The following SDK1 variants were observed in gnomAD, a reference collection of about 807,000 sequenced individuals.
The protein encoded by SDK1 is protein sidekick-1.
Under a neutral mutation model 245.5 loss-of-function variants are expected in SDK1, and 157 were observed. The ratio of observed to expected loss-of-function variants is 0.64; its 90% CI spans 0.56 to 0.73. SDK1 has a LOEUF of 0.73. Among genes scored for constraint, SDK1 ranks in the 30% least tolerant of loss-of-function variants. The pLI is 0.00. For missense variants in SDK1, 3,583 were observed against 3,002.3 expected (o/e 1.19, Z -4.52); for synonymous variants, 1,647 against 1,278.5 (o/e 1.29, Z -6.15).
intron 13 of SDK1, among the ~76,000 whole-genome samples, chr7:3,985,451 C>T (rs1372230740): frequency 6.6e-6 from 1 of 152,118 alleles, no homozygotes; most frequent in Non-Finnish European, 1.5e-5. Flanking sequence ...ACTGGCATTT[C>T]CGCCTCTAAT....
intron 35 of SDK1, among the ~76,000 whole-genome samples, chr7:4,181,251 C>T (rs1000348433): frequency 5.9e-5 from 9 of 152,212 alleles, no homozygotes; most frequent in South Asian, 4.1e-4. Context: ...GAGGTTCAAC[C>T]GGGTTGTAGC....
chr7:3,462,635 G>T (rs1780868776), intron 1 of SDK1, among the ~76,000 whole-genome samples: 2 of 152,076 alleles, frequency 1.3e-5, no homozygotes, highest in African/African-American at 4.8e-5. Context: ...ACCTAGTCCA[G>T]CTGTACCATA....
chr7:3,497,848 C>G (rs761116114), intron 1 of SDK1, among the ~76,000 whole-genome samples: 3 of 152,178 alleles, frequency 2.0e-5, no homozygotes, highest in Non-Finnish European at 4.4e-5. Context: ...CCCATCTAAT[C>G]CCCTCACTGC....
chr7:3,406,968 A>T (rs1331367166), intron 1 of SDK1, among the ~76,000 whole-genome samples: 1 of 131,018 alleles, frequency 7.6e-6, no homozygotes, highest in Non-Finnish European at 1.5e-5. Flanking sequence ...TGTAGACAAG[A>T]TTGAATAAAC....
At chr7:3,509,113 C>T (rs1022508960) in intron 1 of SDK1, among the ~76,000 whole-genome samples, 3 of 151,306 alleles carry the variant, frequency 2.0e-5, no homozygotes, top group Non-Finnish European at 2.9e-5. Context: ...TATGTACATG[C>T]GTGTGATACT....
intron 43 of SDK1, among the ~76,000 whole-genome samples, chr7:4,242,602 C>T (rs1379163586): frequency 3.3e-5 from 5 of 152,140 alleles, no homozygotes; most frequent in Admixed American, 6.5e-5. Flanking sequence ...AAAACCCAAA[C>T]ACCTGAGGAC....
intron 19 of SDK1, 51 bp from the exon 20 acceptor site, chr7:4,067,787 A>C (rs1779996981): frequency 7.0e-7 from 1 of 1,431,588 alleles, no homozygotes; most frequent in African/African-American, 1.4e-5. Flanking sequence ...ATCTGATCAA[A>C]AGAAAATTTG....
At chr7:3,559,581 C>G (rs1054999813) in intron 1 of SDK1, among the ~76,000 whole-genome samples, 5 of 152,106 alleles carry the variant, frequency 3.3e-5, no homozygotes, top group African/African-American at 1.2e-4. Flanking sequence ...TTTTCTGATT[C>G]ACCACCAGTG....
chr7:4,068,550 G>T (rs570613257), intron 20 of SDK1, among the ~76,000 whole-genome samples: 13 of 151,944 alleles, frequency 8.6e-5, no homozygotes, highest in East Asian at 5.8e-4. Context: ...CTGCCCTCCA[G>T]TGAGAGCCCT....
intron 6 of SDK1, 57 bp downstream of exon 6, chr7:3,951,091 C>A: frequency 7.9e-7 from 1 of 1,271,896 alleles, no homozygotes; most frequent in Non-Finnish European, 1.1e-6. Context: ...CTGTGACGAG[C>A]CGACGATAGA....
intron 22 of SDK1, among the ~76,000 whole-genome samples, chr7:4,098,601 C>T (rs775222543): frequency 2.6e-5 from 4 of 152,102 alleles, no homozygotes; most frequent in Non-Finnish European, 5.9e-5. Context: ...TAGTTTCTCC[C>T]TCCGAGAATT....
chr7:4,026,292 G>T lies in SDK1; in HGVS notation c.2602+8940G>T, dbSNP rs758860530. On this transcript the variant is annotated intron_variant, in intron 17 of 44. Coordinates refer to ENST00000404826, the MANE Select transcript of SDK1 (RefSeq NM_152744.4). The surrounding 1 kb of genome is among the most constrained non-coding windows in gnomAD (Gnocchi z 4.1). Reference sequence around the variant, plus strand: ...AGGAAGAGACACCAAGTCGGCAGGAGCCCAAGCGAGTGGCCAGAGCTTCCA... The same window carrying T: ...AGGAAGAGACACCAAGTCGGCAGGATCCCAAGCGAGTGGCCAGAGCTTCCA... Among the ~76,000 whole-genome samples the T allele has an allele frequency of 3.3e-4, 50 of 152,368 alleles. No individual in the cohort carries two copies. Among genetic ancestry groups the T allele is most frequent in the Non-Finnish European group, 5.1e-4 (35 of 68,036 alleles).
intron 1 of SDK1, among the ~76,000 whole-genome samples, chr7:3,616,622 A>G (rs1781780967): frequency 6.6e-6 from 1 of 152,172 alleles, no homozygotes; most frequent in African/African-American, 2.4e-5. Context: ...TTTAATATTT[A>G]TTTATTTGAA....
At chr7:3,679,842 T>C (rs188152208) in intron 4 of SDK1, among the ~76,000 whole-genome samples, 1 of 152,300 alleles carries the variant, frequency 6.6e-6, no homozygotes, top group East Asian at 1.9e-4. Context: ...AGAAACAGTG[T>C]GGCAGTTTGT....
intron 1 of SDK1, among the ~76,000 whole-genome samples, chr7:3,589,016 A>C (rs1015588503): frequency 2.6e-5 from 4 of 152,226 alleles, no homozygotes; most frequent in African/African-American, 9.6e-5. Flanking sequence ...GACAGGAGAT[A>C]ATTTGTATTC....
chr7:3,775,722 G>A (rs369819659), intron 4 of SDK1, among the ~76,000 whole-genome samples: 24 of 151,894 alleles, frequency 1.6e-4, no homozygotes, highest in African/African-American at 4.1e-4. Context: ...GACTACAGGC[G>A]CCCGCCACCG....
chr7:3,792,381 G>A (rs1270720058), intron 4 of SDK1, among the ~76,000 whole-genome samples: 1 of 152,070 alleles, frequency 6.6e-6, no homozygotes, highest in Non-Finnish European at 1.5e-5. Context: ...GTGAACATTA[G>A]ATAATTAATT....
intron 5 of SDK1, among the ~76,000 whole-genome samples, chr7:3,895,912 T>C (rs546555516): frequency 6.6e-6 from 1 of 152,372 alleles, no homozygotes; most frequent in South Asian, 2.1e-4. Flanking sequence ...CTGTTACTGA[T>C]TTCTGATTTA....
intron 4 of SDK1, among the ~76,000 whole-genome samples, chr7:3,648,838 C>G (rs1303572480): frequency 6.6e-6 from 1 of 152,144 alleles, no homozygotes; most frequent in Non-Finnish European, 1.5e-5. Flanking sequence ...CTGCTTTCAC[C>G]GTAATTCTGA....
Sources: gnomAD v4.1 joint callset for allele counts (sites outside exome capture counted in the v4.1 genomes callset) on GRCh38, gnomAD v4.1.1 for gene constraint, Gnocchi (gnomAD v3.1) non-coding constraint, MANE v1.5 for transcripts, NCBI Gene and HGNC (gene_info 2026-07-23, HGNC 2026-07-21) for gene names.